FYN: variants seen among roughly 807,000 people sequenced by gnomAD.
The protein encoded by FYN is tyrosine-protein kinase Fyn.
Under a neutral mutation model 70.2 loss-of-function variants are expected in FYN, and 10 were observed. The ratio of observed to expected loss-of-function variants is 0.14; its 90% CI spans 0.09 to 0.24. The LOEUF (loss-of-function observed/expected upper bound fraction) is 0.24. Ranked by LOEUF, FYN falls within the 10% of genes least tolerant of loss-of-function variation. The pLI is 1.00. For synonymous variants in FYN, 236 were observed against 248.6 expected (o/e 0.95, Z 0.48); for missense variants, 319 against 673.1 (o/e 0.47, Z 5.82).
At chr6:111,833,587 CCA>C (rs1773088884) in intron 2 of FYN, among the ~76,000 whole-genome samples, 1 of 152,156 alleles carries the variant, frequency 6.6e-6, no homozygotes, top group Non-Finnish European at 1.5e-5. Context: ...ACAATGTGAC[CCA>C]CAGTCCACAC....
At chr6:111,663,038 G>GGT (rs2128397135) in intron 13 of FYN, among the ~76,000 whole-genome samples, 1 of 152,320 alleles carries the variant, frequency 6.6e-6, no homozygotes, top group African/African-American at 2.4e-5. Flanking sequence ...ATGCTTAGGG[G>GGT]GTGGCCAGTG....
intron 13 of FYN, among the ~76,000 whole-genome samples, chr6:111,666,820 G>A (rs1260399777): frequency 3.3e-5 from 5 of 152,082 alleles, no homozygotes; most frequent in East Asian, 3.9e-4. Context: ...GTGACAGAGC[G>A]AGACCTTACT....
intron 1 of FYN, among the ~76,000 whole-genome samples, chr6:111,866,875 T>C (rs1774122551): frequency 6.6e-6 from 1 of 152,232 alleles, no homozygotes; most frequent in Admixed American, 6.5e-5. Context: ...GTTTTTACCC[T>C]GGCTGGGGAG....
chr6:111,795,581 A>AT (rs1562524525), intron 2 of FYN, among the ~76,000 whole-genome samples: 1 of 152,236 alleles, frequency 6.6e-6, no homozygotes, highest in Non-Finnish European at 1.5e-5. Flanking sequence ...GTATTAAATT[A>AT]TTTGTGTCAC....
At chr6:111,748,702 T>C (rs931526879) in intron 3 of FYN, among the ~76,000 whole-genome samples, 1 of 152,110 alleles carries the variant, frequency 6.6e-6, no homozygotes, top group African/African-American at 2.4e-5. Flanking sequence ...AAAGACAGCA[T>C]GAAAAAAGAA....
Position 111,826,763 on chromosome 6 carries a change from T to C in FYN, c.-82+19826A>G, listed in dbSNP as rs565153483. On this transcript the variant is annotated intron_variant, in intron 2 of 13. Coordinates refer to ENST00000354650, the MANE Select transcript of FYN (RefSeq NM_002037.5). ...TTTACTGCTTACTGTCTCATCTCTTTTCTCCCAGCTAAAATAAGTGACCTT... is the reference window on the plus strand; with the variant it reads ...TTTACTGCTTACTGTCTCATCTCTTCTCTCCCAGCTAAAATAAGTGACCTT... Among the ~76,000 whole-genome samples, 44 of 152,340 alleles carry C rather than the reference T, an allele frequency of 2.9e-4. 1 individual carries two copies. Among genetic ancestry groups the C allele is most frequent in the African/African-American group, 1.1e-3 (44 of 41,570 alleles).
chr6:111,739,438 C>T (rs1280169376), intron 3 of FYN, among the ~76,000 whole-genome samples: 1 of 152,234 alleles, frequency 6.6e-6, no homozygotes, highest in African/African-American at 2.4e-5. Context: ...ACAGCCCTGG[C>T]AGGGTTCTGG....
intron 3 of FYN, among the ~76,000 whole-genome samples, chr6:111,725,088 A>G (rs1309561835): frequency 1.3e-5 from 2 of 152,252 alleles, no homozygotes; most frequent in African/African-American, 2.4e-5. Context: ...TGGCAGAGAC[A>G]CATCTGAAAT....
intron 2 of FYN, among the ~76,000 whole-genome samples, chr6:111,830,327 C>G (rs1029382590): frequency 7.9e-5 from 12 of 152,178 alleles, no homozygotes; most frequent in Admixed American, 2.0e-4. Context: ...TAGTTTCTGG[C>G]AGAAATGGGA....
At chr6:111,686,613 G>A (rs568220635) in intron 12 of FYN, among the ~76,000 whole-genome samples, 55 of 152,302 alleles carry the variant, frequency 3.6e-4, no homozygotes, top group African/African-American at 1.3e-3. Context: ...TCTCTAGCAT[G>A]GGAAGAATTA....
chr6:111,841,910 A>T (rs1416822081), intron 2 of FYN, among the ~76,000 whole-genome samples: 1 of 152,126 alleles, frequency 6.6e-6, no homozygotes, highest in Non-Finnish European at 1.5e-5. Flanking sequence ...ATGATACATA[A>T]CAACTATTTT....
At chr6:111,840,773 C>T (rs1354190224) in intron 2 of FYN, among the ~76,000 whole-genome samples, 1 of 152,222 alleles carries the variant, frequency 6.6e-6, no homozygotes, top group African/African-American at 2.4e-5. Context: ...ACAAAAGCAT[C>T]TTTTCAGCCA....
chr6:111,747,182 C>G (rs966685762), intron 3 of FYN, among the ~76,000 whole-genome samples: 3 of 152,156 alleles, frequency 2.0e-5, no homozygotes, highest in Non-Finnish European at 4.4e-5. Context: ...GGAAGTGGCT[C>G]AAAAGCATTT....
chr6:111,730,808 C>T (rs561077099), intron 3 of FYN, among the ~76,000 whole-genome samples: 1 of 152,094 alleles, frequency 6.6e-6, no homozygotes. Flanking sequence ...ATCTTCCTAC[C>T]CTCCTTACCC....
intron 3 of FYN, 59 bp from the exon 4 acceptor site, chr6:111,720,121 TC>T: frequency 6.5e-7 from 1 of 1,527,072 alleles, no homozygotes; most frequent in Non-Finnish European, 8.8e-7. Flanking sequence ...GCTGGGTTGC[TC>T]TACAGTAAAC....
chr6:111,760,550 A>G (rs765354945), intron 3 of FYN, among the ~76,000 whole-genome samples: 1 of 152,212 alleles, frequency 6.6e-6, no homozygotes, highest in Non-Finnish European at 1.5e-5. Flanking sequence ...GTGAGGTCAC[A>G]TGAAATAATA....
At chr6:111,794,727 A>G (rs1223793657) in intron 2 of FYN, among the ~76,000 whole-genome samples, 1 of 152,236 alleles carries the variant, frequency 6.6e-6, no homozygotes, top group Non-Finnish European at 1.5e-5. Context: ...ACTCGTTTCC[A>G]TATTGTCTAT....
chr6:111,827,901 C>A (rs1045316056), intron 2 of FYN, among the ~76,000 whole-genome samples: 2 of 152,136 alleles, frequency 1.3e-5, no homozygotes, highest in African/African-American at 2.4e-5. Context: ...TTTCCCCAGG[C>A]CCCTAACTGC....
At chr6:111,759,330 A>C (rs768462218) in intron 3 of FYN, among the ~76,000 whole-genome samples, 6 of 152,024 alleles carry the variant, frequency 3.9e-5, no homozygotes, top group Non-Finnish European at 8.8e-5. Flanking sequence ...CCTGACAATG[A>C]TTTTGTCAGC....
Sources: gnomAD v4.1 joint callset for allele counts (sites outside exome capture counted in the v4.1 genomes callset) on GRCh38, gnomAD v4.1.1 for gene constraint, MANE v1.5 for transcripts, NCBI Gene and HGNC (gene_info 2026-07-23, HGNC 2026-07-21) for gene names.